Variants in LPP observed in about 807,000 individuals in gnomAD.
The protein encoded by LPP is LIM domain containing preferred translocation partner in lipoma.
In LPP, 38 loss-of-function variants were observed where a neutral mutation model predicts 60.4. That is an observed-to-expected ratio of 0.63 (90% CI 0.49 to 0.83). The LOEUF is 0.83. Ranked by LOEUF, LPP falls within the 40% of genes least tolerant of loss-of-function variation. The pLI, the probability that LPP is intolerant of heterozygous loss-of-function variation, is 0.00. For missense variants in LPP, 902 were observed against 783.6 expected (o/e 1.15, Z -1.80); for synonymous variants, 328 against 290.8 (o/e 1.13, Z -1.30).
At chr3:188,186,230 T>TGAG (rs1487632562) in intron 1 of LPP, among the ~76,000 whole-genome samples, 3 of 152,206 alleles carry the variant, frequency 2.0e-5, no homozygotes, top group Non-Finnish European at 4.4e-5. Context: ...CTGCACAGCC[T>TGAG]GAGATGTCTG....
At chr3:188,506,898 C>T (rs959963123) in intron 5 of LPP, among the ~76,000 whole-genome samples, 10 of 152,010 alleles carry the variant, frequency 6.6e-5, no homozygotes, top group South Asian at 2.1e-4. Flanking sequence ...CCCGGGTTCA[C>T]GCCATTCTCC....
intron 7 of LPP, among the ~76,000 whole-genome samples, chr3:188,628,758 C>T (rs1847316702): frequency 6.6e-6 from 1 of 152,068 alleles, no homozygotes; most frequent in South Asian, 2.1e-4. Flanking sequence ...TCTATAACGC[C>T]AGCATCATTC....
At chr3:188,599,915 A>C (rs1413528674) in intron 6 of LPP, among the ~76,000 whole-genome samples, 1 of 151,862 alleles carries the variant, frequency 6.6e-6, no homozygotes, top group Non-Finnish European at 1.5e-5. Context: ...AATATTTGAG[A>C]TTATTTTAAC....
At chr3:188,600,204 T>C (rs1014802056) in intron 6 of LPP, among the ~76,000 whole-genome samples, 6 of 148,336 alleles carry the variant, frequency 4.0e-5, no homozygotes, top group African/African-American at 1.5e-4. Flanking sequence ...ATTTCTGATA[T>C]ATATTATGTT....
At chr3:188,586,929 C>T (rs527657756) in intron 6 of LPP, among the ~76,000 whole-genome samples, 108 of 151,970 alleles carry the variant, frequency 7.1e-4, no homozygotes, top group African/African-American at 2.6e-3. Flanking sequence ...GGGGTTTCCA[C>T]CATATTGGCC....
At chr3:188,617,789 G>A (rs1845134029) in intron 7 of LPP, among the ~76,000 whole-genome samples, 1 of 152,188 alleles carries the variant, frequency 6.6e-6, no homozygotes. Context: ...CTGGCAATAT[G>A]TAATTCTTTG....
intron 5 of LPP, among the ~76,000 whole-genome samples, chr3:188,517,693 G>A (rs1817754442): frequency 6.6e-6 from 1 of 152,044 alleles, no homozygotes; most frequent in African/African-American, 2.4e-5. Context: ...TGAGGGTGAT[G>A]CAAAGCAGAA....
intron 8 of LPP, among the ~76,000 whole-genome samples, chr3:188,726,291 G>A (rs1462964428): frequency 6.6e-6 from 1 of 152,098 alleles, no homozygotes; most frequent in Non-Finnish European, 1.5e-5. Flanking sequence ...GGCGTAAGAG[G>A]GATGGGCTGA....
At chr3:188,680,435 A>C (rs1207496322) in intron 7 of LPP, among the ~76,000 whole-genome samples, 1 of 152,198 alleles carries the variant, frequency 6.6e-6, no homozygotes, top group Non-Finnish European at 1.5e-5. Context: ...AGACATCTTT[A>C]TTTCCAGTTC....
intron 8 of LPP, among the ~76,000 whole-genome samples, chr3:188,753,819 G>C (rs1577352508): frequency 1.3e-5 from 2 of 152,020 alleles, no homozygotes; most frequent in South Asian, 2.1e-4. Context: ...AAAAACAAGA[G>C]AGAGGGAAAC....
intron 6 of LPP, among the ~76,000 whole-genome samples, chr3:188,608,197 T>C (rs1400791739): frequency 6.6e-6 from 1 of 152,182 alleles, no homozygotes; most frequent in Non-Finnish European, 1.5e-5. Flanking sequence ...GGCCCTCCAC[T>C]TCCCCTTTTG....
chr3:188,680,066 A>C (rs968391936), intron 7 of LPP, among the ~76,000 whole-genome samples: 1 of 152,140 alleles, frequency 6.6e-6, no homozygotes, highest in Non-Finnish European at 1.5e-5. Flanking sequence ...CCAAAGGAGC[A>C]CTCATCAGAG....
At chr3:188,314,611 G>A (rs1191789668) in intron 2 of LPP, among the ~76,000 whole-genome samples, 1 of 151,936 alleles carries the variant, frequency 6.6e-6, no homozygotes, top group Admixed American at 6.6e-5. Context: ...GTGTGTGTGT[G>A]TGTGATCGAG....
chr3:188,229,481 T>C (rs762491446), intron 2 of LPP, among the ~76,000 whole-genome samples: 1 of 152,246 alleles, frequency 6.6e-6, no homozygotes, highest in Non-Finnish European at 1.5e-5. Flanking sequence ...GAGGTGAATG[T>C]CTTGGCTGTC....
chr3:188,558,532 G>A (rs576139042), intron 6 of LPP, among the ~76,000 whole-genome samples: 1 of 152,188 alleles, frequency 6.6e-6, no homozygotes, highest in Non-Finnish European at 1.5e-5. Flanking sequence ...TGAATTGTAG[G>A]AAGTGTGTTT....
intron 2 of LPP, among the ~76,000 whole-genome samples, chr3:188,276,425 G>A (rs1032906217): frequency 4.6e-5 from 7 of 152,224 alleles, no homozygotes; most frequent in Non-Finnish European, 1.0e-4. Flanking sequence ...AGAACCTGGA[G>A]GAAAGAGTGG....
intron 8 of LPP, among the ~76,000 whole-genome samples, chr3:188,727,604 T>G (rs1718902673): frequency 6.6e-6 from 1 of 152,192 alleles, no homozygotes; most frequent in African/African-American, 2.4e-5. Flanking sequence ...ACCCTAACCT[T>G]GAAAGACAGG....
At chr3:188,843,123 C>T (rs1450707967) in intron 9 of LPP, among the ~76,000 whole-genome samples, 2 of 151,974 alleles carry the variant, frequency 1.3e-5, no homozygotes, top group Non-Finnish European at 2.9e-5. Flanking sequence ...TCTTTTTTAT[C>T]ATAATCTTAT....
intron 6 of LPP, among the ~76,000 whole-genome samples, chr3:188,586,358 G>A (rs892616186): frequency 5.9e-5 from 9 of 152,120 alleles, no homozygotes; most frequent in African/African-American, 2.2e-4. Context: ...ATGGTTTAGT[G>A]AGAGAAAAAA....
Sources: allele counts gnomAD v4.1 joint callset (sites outside exome capture counted in the v4.1 genomes callset), GRCh38; gene constraint gnomAD v4.1.1; transcripts MANE v1.5; gene names NCBI Gene and HGNC (gene_info 2026-07-23, HGNC 2026-07-21).